SH3PXD2B: variants seen among roughly 807,000 people sequenced by gnomAD.
SH3PXD2B encodes the protein SH3 and PX domain-containing protein 2B.
Under a neutral mutation model 73.1 loss-of-function variants are expected in SH3PXD2B, and 37 were observed. The ratio of observed to expected loss-of-function variants is 0.51; its 90% CI spans 0.39 to 0.67. SH3PXD2B has a LOEUF of 0.67. SH3PXD2B is among the 30% of genes least tolerant of loss of function. The pLI, the probability that SH3PXD2B is intolerant of heterozygous loss-of-function variation, is 0.00. For synonymous variants in SH3PXD2B, 457 were observed against 480.5 expected (o/e 0.95, Z 0.64); for missense variants, 1,053 against 1,197.8 (o/e 0.88, Z 1.78).
chr5:172,449,027 G>A (rs777087521), intron 1 of SH3PXD2B, among the ~76,000 whole-genome samples: 1 of 152,198 alleles, frequency 6.6e-6, no homozygotes, highest in Non-Finnish European at 1.5e-5. Flanking sequence ...CCTACTAAGG[G>A]CGCAATCTAC....
intron 12 of SH3PXD2B, 105 bp downstream of exon 12, chr5:172,346,031 C>T (rs1445814015): frequency 1.0e-5 from 16 of 1,561,742 alleles, no homozygotes; most frequent in Non-Finnish European, 2.6e-6. Flanking sequence ...AATCTCCGCC[C>T]CACCTCCACC....
intron 3 of SH3PXD2B, among the ~76,000 whole-genome samples, chr5:172,400,840 G>A (rs928491554): frequency 3.9e-5 from 6 of 152,146 alleles, no homozygotes; most frequent in Admixed American, 1.3e-4. Context: ...GTTCGGGCTC[G>A]AGAAGGAATC....
At chr5:172,402,350 T>A (rs1361334151) in intron 3 of SH3PXD2B, among the ~76,000 whole-genome samples, 2 of 152,224 alleles carry the variant, frequency 1.3e-5, no homozygotes, top group Non-Finnish European at 2.9e-5. Flanking sequence ...CGAAACTTCA[T>A]TAGCAATTTA....
chr5:172,348,462 TAA>T, intron 10 of SH3PXD2B, among the ~76,000 whole-genome samples: 1 of 152,126 alleles, frequency 6.6e-6, no homozygotes, highest in South Asian at 2.1e-4. Flanking sequence ...TGTGGAGTAA[TAA>T]GACTCTTGAT....
chr5:172,436,464 A>C (rs566706121), intron 1 of SH3PXD2B, among the ~76,000 whole-genome samples: 1 of 152,358 alleles, frequency 6.6e-6, no homozygotes, highest in South Asian at 2.1e-4. Context: ...CAGGCCTTTA[A>C]AACATTTGAA....
intron 4 of SH3PXD2B, among the ~76,000 whole-genome samples, chr5:172,385,115 T>TC (rs1758030439): frequency 6.6e-6 from 1 of 152,144 alleles, no homozygotes; most frequent in African/African-American, 2.4e-5. Flanking sequence ...GTGGTCATTC[T>TC]CCTGGCCTGG....
chr5:172,398,021 C>G (rs969003458), intron 3 of SH3PXD2B, among the ~76,000 whole-genome samples: 1 of 152,180 alleles, frequency 6.6e-6, no homozygotes, highest in Non-Finnish European at 1.5e-5. Context: ...TGGCCGCTCT[C>G]TAAAGAAAAA....
At chr5:172,394,455 T>G in intron 4 of SH3PXD2B, 108 bp downstream of exon 4, 1 of 1,127,172 alleles carries the variant, frequency 8.9e-7, no homozygotes, top group Non-Finnish European at 1.3e-6. Flanking sequence ...TTCTTTACAT[T>G]CCTTTGAATT....
At chr5:172,325,437 C>A in intron 12 of SH3PXD2B, 3 of 1,189,736 alleles carry the variant, frequency 2.5e-6, no homozygotes, top group African/African-American at 3.0e-5. Flanking sequence ...AAACGAAAGA[C>A]TAACGTGGCC....
At chr5:172,380,083 G>A (rs1351203901) in intron 5 of SH3PXD2B, among the ~76,000 whole-genome samples, 1 of 152,114 alleles carries the variant, frequency 6.6e-6, no homozygotes, top group Non-Finnish European at 1.5e-5. Flanking sequence ...TTGAGACAGA[G>A]GCTCCCTCTG....
At chr5:172,386,811 A>G (rs954224634) in intron 4 of SH3PXD2B, among the ~76,000 whole-genome samples, 8 of 152,084 alleles carry the variant, frequency 5.3e-5, no homozygotes, top group African/African-American at 1.9e-4. Context: ...TCTTTTTAGT[A>G]GAAACAGGGT....
intron 1 of SH3PXD2B, among the ~76,000 whole-genome samples, chr5:172,438,324 T>C (rs1759439503): frequency 1.3e-5 from 2 of 152,198 alleles, no homozygotes; most frequent in Admixed American, 6.5e-5. Context: ...CCTGTTCCTC[T>C]AGGGGTGCTG....
chr5:172,423,552 G>T (rs554251772), intron 1 of SH3PXD2B, among the ~76,000 whole-genome samples: 4 of 147,640 alleles, frequency 2.7e-5, no homozygotes, highest in Non-Finnish European at 6.0e-5. Flanking sequence ...GGTTGGGGGG[G>T]GGGGCGCACA....
At chr5:172,348,654 C>CTATCCTATCTATCTATCTAT (rs1440672001) in intron 10 of SH3PXD2B, among the ~76,000 whole-genome samples, 13 of 60,448 alleles carry the variant, frequency 2.2e-4, no homozygotes, top group African/African-American at 6.9e-4. Context: ...ATCTATCTAT[C>CTATCCTATCTATCTATCTAT]CTATCTATCT....
In SH3PXD2B at chr5:172,445,490, G is replaced by A. The variant is rs554572209; in HGVS notation, c.75+8788C>T. ...CTCCCAAGATGCTGGGATTACAGGC[G>A]TGAACTCCCATGCCCAGCCCTTATA... On this transcript the variant is annotated intron_variant, in intron 1 of 12. Transcript: ENST00000311601. This position sits in a 1 kb window ranked among gnomAD's most constrained non-coding sequence, Gnocchi z 5.2. Among the ~76,000 whole-genome samples the A allele has an allele frequency of 4.6e-5, 7 of 152,286 alleles. No individual in the cohort carries two copies. Among genetic ancestry groups the A allele is most frequent in the South Asian group, 2.1e-4 (1 of 4,812 alleles).
chr5:172,325,647 CAGA>C lies in SH3PXD2B; in HGVS notation c.1189-270_1189-268del, dbSNP rs1009155964. 4.6e-4 allele frequency among the ~76,000 whole-genome samples: 70 copies of C among 152,298 alleles called. 1 individual carries two copies. The highest frequency in any genetic ancestry group is 6.8e-3 in the Middle Eastern group (2 of 294). The stretch of plus-strand genomic sequence containing the variant: ...GGATGATCGCTGTGTCCTGGCAGGG[CAGA>C]AGAGCAGCTGAAACACACTTCCTCT... On this transcript the variant is annotated intron_variant, in intron 12 of 12. Transcript: ENST00000519643.
exon 13 of SH3PXD2B, chr5:172,325,314 C>T (rs1436563949): frequency 6.5e-7 from 1 of 1,535,556 alleles, no homozygotes; most frequent in Admixed American, 2.0e-5. Flanking sequence ...TTCCCAAGTG[C>T]TGTCCGCATC....
At chr5:172,438,826 C>T (rs1197317128) in intron 1 of SH3PXD2B, among the ~76,000 whole-genome samples, 2 of 151,882 alleles carry the variant, frequency 1.3e-5, no homozygotes, top group African/African-American at 4.8e-5. Flanking sequence ...ACCTGCACAT[C>T]ATAACATGCT....
downstream of SH3PXD2B, among the ~76,000 whole-genome samples, chr5:172,329,540 C>CTTTTTTTTTTTTTTTTTTTTTTTT (rs370876232): frequency 5.2e-4 from 55 of 106,442 alleles, 7 homozygotes; most frequent in Non-Finnish European, 7.1e-4. Context: ...CTTTGTTATT[C>CTTTTTTTTTTTTTTTTTTTTTTTT]TTTTTTTTTT....
Sources: gnomAD v4.1 joint callset for allele counts (sites outside exome capture counted in the v4.1 genomes callset) on GRCh38, gnomAD v4.1.1 for gene constraint, Gnocchi (gnomAD v3.1) non-coding constraint, MANE v1.5 for transcripts, NCBI Gene and HGNC (gene_info 2026-07-23, HGNC 2026-07-21) for gene names.